The following LIPA variants were observed in gnomAD, a reference collection of about 807,000 sequenced individuals.
LIPA encodes the protein lipase A, lysosomal acid type, also known as lysosomal acid lipase/cholesteryl ester hydrolase.
Under a neutral mutation model 40.6 loss-of-function variants are expected in LIPA, and 26 were observed. The ratio of observed to expected loss-of-function variants is 0.64; its 90% CI spans 0.47 to 0.89. LIPA has a LOEUF of 0.89. Among genes scored for constraint, LIPA ranks in the 40% least tolerant of loss-of-function variants. The pLI is 0.00. For synonymous variants in LIPA, 188 were observed against 168.4 expected (o/e 1.12, Z -0.90); for missense variants, 455 against 479.6 (o/e 0.95, Z 0.48).
At chr10:89,405,237 C>A (rs370267848) in intron 2 of LIPA, 144 of 152,210 alleles carry the variant, frequency 9.5e-4, no homozygotes, top group African/African-American at 3.3e-3. Flanking sequence ...TGAAGCACTA[C>A]TTACTAAGTC....
At chr10:89,295,380 C>A (rs1017825021) in intron 1 of LIPA, among the ~76,000 whole-genome samples, 5 of 152,134 alleles carry the variant, frequency 3.3e-5, no homozygotes, top group African/African-American at 1.2e-4. Context: ...TTTAAAAAAT[C>A]TCAAGGAAAA....
intron 2 of LIPA, among the ~76,000 whole-genome samples, chr10:89,370,925 G>A (rs1181333494): frequency 2.6e-5 from 4 of 152,222 alleles, no homozygotes; most frequent in African/African-American, 9.7e-5. Flanking sequence ...GGCTGAGACA[G>A]AAGAATTGCT....
Position 89,384,030 on chromosome 10 carries a change from C to T in LIPA, c.61+28761G>A, listed in dbSNP as rs758674845. On this transcript the variant is annotated intron_variant, in intron 2 of 8. Transcript: ENST00000371837. ...GACAGGAAGCTGAAGGAGAAAAGTA[C>T]ATTGAAGAAGCTCTGACCAGTATAT... The T allele has an allele frequency of 5.6e-6, 9 of 1,614,076 alleles. No homozygotes were observed. The East Asian group carries it at 2.0e-4, about 36-fold the overall frequency.
At chr10:89,232,199 G>A (rs1186529848) in intron 3 of LIPA, among the ~76,000 whole-genome samples, 1 of 152,196 alleles carries the variant, frequency 6.6e-6, no homozygotes, top group Non-Finnish European at 1.5e-5. Context: ...TGGTGACCGG[G>A]CGCTGTACGA....
At chr10:89,375,362 T>TAA in intron 2 of LIPA, among the ~76,000 whole-genome samples, 1 of 152,222 alleles carries the variant, frequency 6.6e-6, no homozygotes, top group Middle Eastern at 3.4e-3. Flanking sequence ...CAAGTAAAGG[T>TAA]AAAGGGTTTT....
intron 1 of LIPA, among the ~76,000 whole-genome samples, chr10:89,275,736 C>T (rs1472517341): frequency 3.3e-5 from 5 of 152,170 alleles, no homozygotes; most frequent in Non-Finnish European, 7.3e-5. Context: ...CCAATTCTGG[C>T]TCTGTCGTTT....
chr10:89,282,223 T>A (rs111814147), intron 1 of LIPA, among the ~76,000 whole-genome samples: 145 of 152,328 alleles, frequency 9.5e-4, no homozygotes, highest in African/African-American at 3.3e-3. Flanking sequence ...GACCAACGAT[T>A]TTTATTTCTC....
Position 89,214,054 on chromosome 10 carries a change from A to G in LIPA, c.*774T>C, listed in dbSNP as rs1052130903. On this transcript the variant is annotated 3_prime_UTR_variant, in exon 10 of 10. Coordinates refer to ENST00000336233, the MANE Select transcript of LIPA (RefSeq NM_000235.4). ...GTCTCCACAGGGATTTGCTTCTCAGATAAGTAGAACTATGGCCTGCCATGA... is the reference window on the plus strand; with the variant it reads ...GTCTCCACAGGGATTTGCTTCTCAGGTAAGTAGAACTATGGCCTGCCATGA... 1 of 152,276 alleles carries G rather than the reference A, an allele frequency of 6.6e-6. No homozygotes were observed. Among genetic ancestry groups the G allele is most frequent in the African/African-American group, 2.4e-5 (1 of 41,468 alleles). The allele number at this position is 152,276 out of a possible 1,614,324, so 9.4% of individuals were successfully genotyped here.
chr10:89,383,627 AT>A (rs1176192388), intron 2 of LIPA: 1 of 1,614,276 alleles, frequency 6.2e-7, no homozygotes, highest in South Asian at 1.1e-5. Context: ...GCCTGGGTGT[AT>A]TACCACATGG....
intron 1 of LIPA, chr10:89,327,867 T>G: frequency 3.7e-6 from 2 of 540,626 alleles, no homozygotes; most frequent in Non-Finnish European, 6.6e-6. Flanking sequence ...CCAACGATTT[T>G]AAATTAGTTT....
intron 2 of LIPA, among the ~76,000 whole-genome samples, chr10:89,369,809 G>A (rs893757629): frequency 5.3e-5 from 8 of 152,224 alleles, no homozygotes; most frequent in Non-Finnish European, 7.3e-5. Flanking sequence ...AGTATATATG[G>A]ATGGAAGGAA....
rs138226648 is a variant in LIPA at position 89,301,340 on chromosome 10, T to A, written c.-2+41271A>T. Among the ~76,000 whole-genome samples the A allele has an allele frequency of 3.3e-3, 508 of 152,328 alleles. 1 individual carries two copies. The highest frequency in any genetic ancestry group is 0.011 in the African/African-American group (461 of 41,566). The stretch of plus-strand genomic sequence containing the variant: ...CTGGAGATTCAGCAATGATTCAGAC[T>A]AAAATCCCCTGCCCTGTCGAGGCTA... On this transcript the variant is annotated intron_variant, in intron 1 of 5. Transcript: ENST00000282673.
chr10:89,258,324 A>G (rs1018437725), intron 1 of LIPA, among the ~76,000 whole-genome samples: 1 of 152,180 alleles, frequency 6.6e-6, no homozygotes, highest in South Asian at 2.1e-4. Context: ...AAAATATAGG[A>G]GTTCCTGGAA....
intron 1 of LIPA, among the ~76,000 whole-genome samples, chr10:89,319,797 G>A (rs1009907633): frequency 7.9e-5 from 12 of 152,062 alleles, no homozygotes; most frequent in Non-Finnish European, 1.6e-4. Flanking sequence ...GATGAACATC[G>A]ATGCAATGCA....
At chr10:89,402,678 A>G in intron 2 of LIPA, 1 of 1,614,200 alleles carries the variant, frequency 6.2e-7, no homozygotes, top group Non-Finnish European at 8.5e-7. Context: ...CTTCCGCTAT[A>G]GAATGGAGTG....
intron 1 of LIPA, among the ~76,000 whole-genome samples, chr10:89,276,825 A>T (rs972005305): frequency 6.6e-6 from 1 of 152,184 alleles, no homozygotes; most frequent in African/African-American, 2.4e-5. Flanking sequence ...TCAATTAATT[A>T]ATAATTACCA....
chr10:89,218,844 A>G (rs1842661126), intron 8 of LIPA, among the ~76,000 whole-genome samples: 1 of 152,244 alleles, frequency 6.6e-6, no homozygotes, highest in Non-Finnish European at 1.5e-5. Flanking sequence ...CTCTTTATTT[A>G]GCAGCTGTAT....
At chr10:89,404,523 A>C (rs969872709) in intron 2 of LIPA, 4 of 152,266 alleles carry the variant, frequency 2.6e-5, no homozygotes, top group African/African-American at 7.2e-5. Context: ...ACTGCCCCTC[A>C]TGAATATTCA....
intron 2 of LIPA, chr10:89,362,866 G>T: frequency 6.4e-6 from 2 of 310,576 alleles, no homozygotes; most frequent in Non-Finnish European, 6.2e-6. Context: ...ACTGCCTATT[G>T]CCTGGACGGT....
Sources: allele counts gnomAD v4.1 joint callset (sites outside exome capture counted in the v4.1 genomes callset), GRCh38; gene constraint gnomAD v4.1.1; transcripts MANE v1.5; gene names NCBI Gene and HGNC (gene_info 2026-07-23, HGNC 2026-07-21).